The following C1orf21 variants were observed in gnomAD, a reference collection of about 807,000 sequenced individuals.
C1orf21 encodes the protein chromosome 1 open reading frame 21.
In C1orf21, 3 loss-of-function variants were observed where a neutral mutation model predicts 18.7. That is an observed-to-expected ratio of 0.16 (90% CI 0.07 to 0.42). The LOEUF (loss-of-function observed/expected upper bound fraction) is 0.42. Ranked by LOEUF, C1orf21 falls within the 10% of genes least tolerant of loss-of-function variation. The pLI is 0.99. For synonymous variants in C1orf21, 41 were observed against 46.4 expected (o/e 0.88, Z 0.47); for missense variants, 104 against 143.6 (o/e 0.72, Z 1.41).
At chr1:184,416,280 T>C (rs1003983681) in intron 1 of C1orf21, among the ~76,000 whole-genome samples, 2 of 152,216 alleles carry the variant, frequency 1.3e-5, no homozygotes, top group Admixed American at 6.5e-5. Flanking sequence ...GAATCATGTA[T>C]TTTAAGATTT....
intron 5 of C1orf21, among the ~76,000 whole-genome samples, chr1:184,605,186 C>G (rs1478520579): frequency 6.6e-6 from 1 of 152,198 alleles, no homozygotes; most frequent in Admixed American, 6.5e-5. Flanking sequence ...CTTCAGCTAT[C>G]CTTTTCTCTT....
intron 3 of C1orf21, among the ~76,000 whole-genome samples, chr1:184,547,516 C>T (rs1317486600): frequency 7.0e-6 from 1 of 143,570 alleles, no homozygotes; most frequent in African/African-American, 2.7e-5. Flanking sequence ...TTTCTGAAAA[C>T]CACAGGGAGG....
chr1:184,397,743 A>G (rs187426181), intron 1 of C1orf21, among the ~76,000 whole-genome samples: 73 of 152,308 alleles, frequency 4.8e-4, no homozygotes, highest in Non-Finnish European at 6.2e-4. Flanking sequence ...CCAATGTAGT[A>G]AAAATTTGGA....
chr1:184,422,884 G>C (rs967589718), intron 1 of C1orf21, among the ~76,000 whole-genome samples: 1 of 152,238 alleles, frequency 6.6e-6, no homozygotes, highest in African/African-American at 2.4e-5. Flanking sequence ...TGGACTGAAC[G>C]AATAAAATGT....
At chr1:184,511,960 G>A (rs538131281) in intron 3 of C1orf21, among the ~76,000 whole-genome samples, 2 of 152,286 alleles carry the variant, frequency 1.3e-5, no homozygotes, top group South Asian at 4.2e-4. Flanking sequence ...AGTGAAGATT[G>A]TAATTTAAAA....
chr1:184,552,723 A>G (rs1455903549), intron 3 of C1orf21, among the ~76,000 whole-genome samples: 1 of 152,188 alleles, frequency 6.6e-6, no homozygotes, highest in East Asian at 1.9e-4. Context: ...TGCTCAAAGA[A>G]TGATTACATA....
intron 2 of C1orf21, among the ~76,000 whole-genome samples, chr1:184,505,777 C>T (rs1266688740): frequency 6.6e-6 from 1 of 151,544 alleles, no homozygotes; most frequent in African/African-American, 2.4e-5. Context: ...AACAAACAAA[C>T]AAAAAAATTA....
chr1:184,611,970 G>A (rs1048223375), intron 5 of C1orf21, among the ~76,000 whole-genome samples: 2 of 152,082 alleles, frequency 1.3e-5, no homozygotes, highest in African/African-American at 2.4e-5. Flanking sequence ...CATTTATCAT[G>A]TAACCAAAAA....
intron 1 of C1orf21, among the ~76,000 whole-genome samples, chr1:184,439,385 CA>C (rs1656910379): frequency 6.6e-6 from 1 of 150,962 alleles, no homozygotes; most frequent in Non-Finnish European, 1.5e-5. Context: ...CTCATCTGTT[CA>C]GTGAGGATAA....
intron 1 of C1orf21, among the ~76,000 whole-genome samples, chr1:184,439,271 C>T (rs1182439231): frequency 6.6e-6 from 1 of 152,026 alleles, no homozygotes; most frequent in Non-Finnish European, 1.5e-5. Flanking sequence ...TTTGTGTGTT[C>T]ACTCTGATCT....
intron 3 of C1orf21, among the ~76,000 whole-genome samples, chr1:184,580,155 C>A (rs185138277): frequency 4.6e-5 from 7 of 152,020 alleles, no homozygotes; most frequent in African/African-American, 1.7e-4. Context: ...ATGACCTTGA[C>A]TCTTGACTGG....
At position 184,389,138 on chromosome 1, in the gene C1orf21, T is replaced by C. The variant is rs1303412448; in HGVS notation, c.-125+1770T>C. 2.0e-5 allele frequency among the ~76,000 whole-genome samples: 3 copies of C among 152,086 alleles called. No individual in the cohort carries two copies. The East Asian group carries it at 5.8e-4, about 29-fold the overall frequency. On this transcript the variant is annotated intron_variant, in intron 1 of 5. Coordinates refer to ENST00000235307, the MANE Select transcript of C1orf21 (RefSeq NM_030806.4). ...ACAAATGCAGCGTTGAAAGAGGATGTCACTCAATGTTTACTGCTGTGCAAA... is the reference window on the plus strand; with the variant it reads ...ACAAATGCAGCGTTGAAAGAGGATGCCACTCAATGTTTACTGCTGTGCAAA...
At chr1:184,404,291 T>G (rs1449523055) in intron 1 of C1orf21, among the ~76,000 whole-genome samples, 1 of 152,230 alleles carries the variant, frequency 6.6e-6, no homozygotes, top group South Asian at 2.1e-4. Context: ...AGTGGAGTCC[T>G]TAGTCCATTT....
At chr1:184,455,440 C>A (rs896027530) in intron 1 of C1orf21, among the ~76,000 whole-genome samples, 2 of 152,120 alleles carry the variant, frequency 1.3e-5, no homozygotes, top group Non-Finnish European at 2.9e-5. Context: ...CTAGGTGTAT[C>A]CCAGTCCTGT....
At chr1:184,549,732 A>G (rs1482574852) in intron 3 of C1orf21, among the ~76,000 whole-genome samples, 2 of 152,032 alleles carry the variant, frequency 1.3e-5, no homozygotes, top group African/African-American at 2.4e-5. Flanking sequence ...TCTCTAGTCT[A>G]TCACTTTTCC....
At chr1:184,390,166 A>G (rs1655949121) in intron 1 of C1orf21, among the ~76,000 whole-genome samples, 1 of 152,240 alleles carries the variant, frequency 6.6e-6, no homozygotes, top group Non-Finnish European at 1.5e-5. Context: ...CCAAATATAA[A>G]GAGAGGAGAG....
At chr1:184,597,393 T>C (rs1402774929) in intron 4 of C1orf21, among the ~76,000 whole-genome samples, 2 of 151,866 alleles carry the variant, frequency 1.3e-5, no homozygotes, top group Non-Finnish European at 2.9e-5. Flanking sequence ...GCCTGGAGGG[T>C]TTCAGGTCAC....
chr1:184,523,229 T>C (rs1156439820), intron 3 of C1orf21, among the ~76,000 whole-genome samples: 2 of 151,998 alleles, frequency 1.3e-5, no homozygotes, highest in Admixed American at 6.6e-5. Context: ...AATGAGAACT[T>C]TACAGTGGAG....
In C1orf21 at chr1:184,600,782, G is replaced by A. The variant is rs568529674; in HGVS notation, c.327+2321G>A. ...GGTACCCAGCTGTAGATTCTTACAG[G>A]CAATTTTCTCTCCTCTCTGAGCCAT... On this transcript the variant is annotated intron_variant, in intron 5 of 5. Coordinates refer to ENST00000235307, the MANE Select transcript of C1orf21 (RefSeq NM_030806.4). Among the ~76,000 whole-genome samples the A allele has an allele frequency of 3.3e-5, 5 of 152,210 alleles. No individual in the cohort carries two copies. In the East Asian group the frequency reaches 9.7e-4, roughly 29 times the overall value.
Sources: allele counts gnomAD v4.1 joint callset (sites outside exome capture counted in the v4.1 genomes callset), GRCh38; gene constraint gnomAD v4.1.1; transcripts MANE v1.5; gene names NCBI Gene and HGNC (gene_info 2026-07-23, HGNC 2026-07-21).